GPRIN1: variants seen among roughly 807,000 people sequenced by gnomAD.
The protein encoded by GPRIN1 is G protein-regulated inducer of neurite outgrowth 1.
A neutral mutation model predicts 2.8 loss-of-function variants in GPRIN1; 4 were observed. That is an observed-to-expected ratio of 1.45 (90% confidence interval 0.71 to 3.32). The LOEUF is 3.32. Ranked by LOEUF, GPRIN1 falls within the 30% of genes most tolerant of loss-of-function variation. GPRIN1 has a pLI of 0.01. For missense variants in GPRIN1, 1,322 were observed against 1,343.4 expected (o/e 0.98, Z 0.25); for synonymous variants, 589 against 589.9 (o/e 1.00, Z 0.02).
intron 1 of GPRIN1, among the ~76,000 whole-genome samples, chr5:176,609,304 T>A (rs1759273555): frequency 6.6e-6 from 1 of 152,112 alleles, no homozygotes; most frequent in Non-Finnish European, 1.5e-5. Context: ...ATGTCCATGC[T>A]GTGATCCGCG....
At position 176,598,498 on chromosome 5, in the gene GPRIN1, C is replaced by T. The variant is rs1370228895; in HGVS notation, c.1337G>A (p.Gly446Glu). Residue 446 changes from glycine to glutamate, a missense_variant, in exon 2 of 2, where the codon GGA becomes GAA. Around this residue, in one of 3 missense-constraint regions of GPRIN1, gnomAD observed 1,117 missense variants for 1,128.6 expected, o/e 0.99. Coordinates refer to ENST00000303991, the MANE Select transcript of GPRIN1 (RefSeq NM_052899.3). ...TCCTGGGGATACAGTTCCTGCCTTT[C>T]CCACAGACACACGCTCTGCCTGTCC... is the stretch of plus-strand genomic sequence containing the variant. ...SPGQAERVSV[G>E]KAGTVSPGKE... 5 of 1,614,054 alleles carry T rather than the reference C, an allele frequency of 3.1e-6. No homozygotes were observed. Among genetic ancestry groups the T allele is most frequent in the Non-Finnish European group, 8.5e-7 (1 of 1,180,054 alleles).
In GPRIN1 at chr5:176,597,002, G is replaced by C; in HGVS notation, c.2833C>G (p.Gln945Glu). The C allele has an allele frequency of 7.0e-7, 1 of 1,432,174 alleles. No individual in the cohort carries two copies. The highest frequency in any genetic ancestry group is 1.5e-5 in the African/African-American group (1 of 68,942). The allele number at this position is 1,432,174 out of a possible 1,614,324, so 88.7% of individuals were successfully genotyped here. A position where few individuals can be genotyped will look rare whatever the true frequency, so the allele number is the denominator to read the frequency against. The change falls in exon 2 of 2, where the codon CAG becomes GAG. Residue 945 changes from glutamine to glutamate, a missense_variant. Physicochemically the swap from Gln to Glu is conservative, Grantham distance 29. Around this residue, in one of 3 missense-constraint regions of GPRIN1, gnomAD observed 196 missense variants for 189.2 expected, o/e 1.04. Transcript: ENST00000303991. The surrounding 1 kb of genome is among the most constrained non-coding windows in gnomAD (Gnocchi z 6.1). ...CCTTGGCGGCCGTGCTCCTCGATCT[G>C]TCGCTCCAGATGCTTCTGGATGGCC... ...GMAIQKHLER[Q>E]IEEHGRQGAP...
chr5:176,600,482 A>G (rs1210708954), intron 1 of GPRIN1, among the ~76,000 whole-genome samples: 1 of 152,216 alleles, frequency 6.6e-6, no homozygotes, highest in African/African-American at 2.4e-5. Context: ...TCCAGAAGTT[A>G]TGCTTTTGTC....
At chr5:176,601,261 A>C (rs1001575059) in intron 1 of GPRIN1, among the ~76,000 whole-genome samples, 2 of 152,212 alleles carry the variant, frequency 1.3e-5, no homozygotes, top group African/African-American at 4.8e-5. Context: ...CTGAAGGAGC[A>C]CAGGGGTTGG....
At position 176,597,249 on chromosome 5, in the gene GPRIN1, C is replaced by A. The variant is rs1416780961; in HGVS notation, c.2586G>T (p.Ser862=). Residue 862 remains serine, a synonymous_variant, in exon 2 of 2, where the codon TCG becomes TCT. Coordinates refer to ENST00000303991, the MANE Select transcript of GPRIN1 (RefSeq NM_052899.3). The surrounding 1 kb of genome is among the most constrained non-coding windows in gnomAD (Gnocchi z 6.1). ...PSRRDAGLQV[S]LGAAETRSVA... is the part of the protein sequence containing the mutation. ...CGGAGCGCGTCTCGGCGGCGCCCAG[C>A]GACACCTGCAGGCCCGCATCTCGGC... The A allele has an allele frequency of 2.4e-6, 3 of 1,254,338 alleles. No individual in the cohort carries two copies. The highest frequency in any genetic ancestry group is 5.4e-4 in the Middle Eastern group (2 of 3,686). The allele number at this position is 1,254,338 out of a possible 1,614,324, so 77.7% of individuals were successfully genotyped here.
rs1225232343 is a variant in GPRIN1, at chr5:176,597,190, G to A, written c.2645C>T (p.Ala882Val). 9.1e-6 allele frequency: 12 copies of A among 1,323,346 alleles called. No homozygotes were observed. The Admixed American group carries it at 1.6e-4, about 18-fold the overall frequency. 82.0% of individuals were successfully genotyped at this position (1,323,346 alleles called of 1,614,324 possible). Reference protein sequence around the residue: ...ATGPMTPQAAAPPAFPEVRVR... With the variant: ...ATGPMTPQAAVPPAFPEVRVR... Reference sequence around the variant, plus strand: ...CCGCACTTCGGGGAAGGCGGGCGGCGCGGCGGCTTGAGGTGTCATGGGCCC... The same window carrying A: ...CCGCACTTCGGGGAAGGCGGGCGGCACGGCGGCTTGAGGTGTCATGGGCCC... Residue 882 changes from alanine (A) to valine (V), a missense_variant, in exon 2 of 2, where the codon GCG becomes GTG. Ala to Val is a moderately conservative substitution (Grantham distance 64). Coordinates refer to ENST00000303991, the MANE Select transcript of GPRIN1 (RefSeq NM_052899.3). This position sits in a 1 kb window ranked among gnomAD's most constrained non-coding sequence, Gnocchi z 6.1.
Position 176,596,950 on chromosome 5 carries a change from C to G in GPRIN1, c.2885G>C (p.Arg962Pro). 1.6e-6 allele frequency: 2 copies of G among 1,286,810 alleles called. No individual in the cohort carries two copies. The highest frequency in any genetic ancestry group is 2.0e-6 in the Non-Finnish European group (2 of 1,018,024). The allele number at this position is 1,286,810 out of a possible 1,614,324, so 79.7% of individuals were successfully genotyped here. The change falls in exon 2 of 2, where the codon CGT (arginine) becomes CCT (proline). Residue 962 changes from arginine (R) to proline (P), a missense_variant. Physicochemically the swap from Arg to Pro is moderately radical, Grantham distance 103 (BLOSUM62 -2). Coordinates refer to ENST00000303991, the MANE Select transcript of GPRIN1 (RefSeq NM_052899.3). This position sits in a 1 kb window ranked among gnomAD's most constrained non-coding sequence, Gnocchi z 5.2. Reference sequence around the variant, plus strand: ...CGAGCCCGAACGGCCGGGGCCGGCACGGGCGGCGGGCGGCGGCGCGGGCGC... The same window carrying G: ...CGAGCCCGAACGGCCGGGGCCGGCAGGGGCGGCGGGCGGCGGCGCGGGCGC... ...QGAPAPPPAA[R>P]AGPGRSGSVR...
At position 176,597,409 on chromosome 5, in the gene GPRIN1, CGCG is replaced by C. The variant is rs1037339789; in HGVS notation, c.2423_2425del (p.Pro808del). 4.3e-5 allele frequency: 55 copies of C among 1,292,478 alleles called. No individual in the cohort carries two copies. In the South Asian group the frequency reaches 5.3e-4, roughly 13 times the overall value. The allele number at this position is 1,292,478 out of a possible 1,614,324, so 80.1% of individuals were successfully genotyped here. ...GCCCGCCTGAGTGCCCGCGTCCTCG[CGCG>C]GCGGCGGCGGGGCGCTCGCCTCCCA... On this transcript the variant is annotated inframe_deletion, in exon 2 of 2. Coordinates refer to ENST00000303991, the MANE Select transcript of GPRIN1 (RefSeq NM_052899.3). The surrounding 1 kb of genome is among the most constrained non-coding windows in gnomAD (Gnocchi z 6.1).
intron 1 of GPRIN1, among the ~76,000 whole-genome samples, chr5:176,604,971 G>C (rs549067830): frequency 6.6e-6 from 1 of 152,258 alleles, no homozygotes; most frequent in African/African-American, 2.4e-5. Flanking sequence ...GACCTCAGGT[G>C]ATTTGCCTAC....
chr5:176,599,851 G>T lies in GPRIN1; in HGVS notation c.-17C>A. 1 of 1,431,336 alleles carries T rather than the reference G, an allele frequency of 7.0e-7. No homozygotes were observed. The highest frequency in any genetic ancestry group is 9.2e-7 in the Non-Finnish European group (1 of 1,088,488). 88.7% of individuals were successfully genotyped at this position (1,431,336 alleles called of 1,614,324 possible). A position where few individuals can be genotyped will look rare whatever the true frequency, so the allele number is the denominator to read the frequency against. On this transcript the variant is annotated 5_prime_UTR_variant, in exon 2 of 2. Transcript: ENST00000303991. Reference sequence around the variant, plus strand: ...AGTGTCCATCTGCCCTCATGACCACGCCTGCACCCAAGGCTGCTGTCTGGT... The same window carrying T: ...AGTGTCCATCTGCCCTCATGACCACTCCTGCACCCAAGGCTGCTGTCTGGT...
At position 176,605,470 on chromosome 5, in the gene GPRIN1, G is replaced by C. The variant is rs146724917; in HGVS notation, c.-44+4529C>G. Among the ~76,000 whole-genome samples the C allele has an allele frequency of 4.6e-4, 70 of 152,260 alleles. 3 individuals are homozygous for C. The East Asian group carries it at 0.011, about 25-fold the overall frequency. On this transcript the variant is annotated intron_variant, in intron 1 of 1. Transcript: ENST00000303991. The stretch of plus-strand genomic sequence containing the variant: ...CTGATCCATCTGGCCCTTGGCCTAT[G>C]GAAAAGGACGTTATAAGCCAGGGTG...
intron 1 of GPRIN1, among the ~76,000 whole-genome samples, chr5:176,601,992 A>C (rs1029404167): frequency 2.0e-5 from 3 of 152,070 alleles, no homozygotes; most frequent in Admixed American, 1.3e-4. Context: ...TCCCCATCCC[A>C]TGCAAAGTAA....
chr5:176,599,317 G>T lies in GPRIN1; in HGVS notation c.518C>A (p.Ser173Tyr). Reference sequence around the variant, plus strand: ...AAACATGGGATCTGCCTTCCGTGAGGACCCAGGATCCTCCTTTCCTATGGA... The same window carrying T: ...AAACATGGGATCTGCCTTCCGTGAGTACCCAGGATCCTCCTTTCCTATGGA... The part of the protein sequence containing the change: ...STSIGKEDPG[S>Y]SRKADPMFTG... The change falls in exon 2 of 2, where the codon TCC (serine) becomes TAC (tyrosine). Residue 173 changes from serine to tyrosine, a missense_variant. Around this residue, in one of 3 missense-constraint regions of GPRIN1, gnomAD observed 1,117 missense variants for 1,128.6 expected, o/e 0.99. Coordinates refer to ENST00000303991, the MANE Select transcript of GPRIN1 (RefSeq NM_052899.3). The T allele has an allele frequency of 6.2e-7, 1 of 1,614,200 alleles. No homozygotes were observed. Among genetic ancestry groups the T allele is most frequent in the Non-Finnish European group, 8.5e-7 (1 of 1,180,046 alleles).
intron 1 of GPRIN1, among the ~76,000 whole-genome samples, chr5:176,608,442 G>T (rs1759257944): frequency 6.6e-6 from 1 of 152,206 alleles, no homozygotes; most frequent in Non-Finnish European, 1.5e-5. Context: ...AGGCAGAAAT[G>T]TCTGCTAGGT....
Position 176,599,721 on chromosome 5 carries a change from G to T in GPRIN1, c.114C>A (p.Gly38=), listed in dbSNP as rs1208484503. 2.6e-6 allele frequency: 4 copies of T among 1,561,770 alleles called. No homozygotes were observed. The highest frequency in any genetic ancestry group is 3.5e-6 in the Non-Finnish European group (4 of 1,151,774). ...GGCAGTAATCCCTCATAGCCGAGCTGCCAGCCCCCAGGCTCCCATCCTGTG... is the reference window on the plus strand; with the variant it reads ...GGCAGTAATCCCTCATAGCCGAGCTTCCAGCCCCCAGGCTCCCATCCTGTG... ...FCPQDGSLGA[G]SSAMRDYCPS... is the part of the protein sequence containing the mutation. The change falls in exon 2 of 2, where the codon GGC becomes GGA. Residue 38 remains glycine (G), a synonymous_variant. Transcript: ENST00000303991.
In GPRIN1 at chr5:176,598,721, G is replaced by C. The variant is rs773283412; in HGVS notation, c.1114C>G (p.Arg372Gly). The C allele has an allele frequency of 1.2e-6, 2 of 1,614,008 alleles. No individual in the cohort carries two copies. The highest frequency in any genetic ancestry group is 1.7e-6 in the Non-Finnish European group (2 of 1,180,038). ...GCAGGGTCCATCTTTCCCAGGAACC[G>C]GGAGTCCTCTTTTGTGGCAGGCACA... ...ETVPATKEDS[R>G]FLGKMDPASS... Residue 372 changes from arginine (R) to glycine (G), a missense_variant, in exon 2 of 2, where the codon CGG becomes GGG. This residue lies in a region of GPRIN1 where 1,117 missense variants were observed against 1,128.6 expected (regional missense o/e 0.99). Coordinates refer to ENST00000303991, the MANE Select transcript of GPRIN1 (RefSeq NM_052899.3).
rs1363946135 is a variant in GPRIN1, at chr5:176,596,959, G to C, written c.2876C>G (p.Pro959Arg). Residue 959 changes from proline (P) to arginine (R), a missense_variant, in exon 2 of 2, where the codon CCC becomes CGC. Transcript: ENST00000303991. This position sits in a 1 kb window ranked among gnomAD's most constrained non-coding sequence, Gnocchi z 5.2. ...HGRQGAPAPPPAARAGPGRSG... is the reference protein window; with the variant it reads ...HGRQGAPAPPRAARAGPGRSG... ...ACGGCCGGGGCCGGCACGGGCGGCG[G>C]GCGGCGGCGCGGGCGCCCCTTGGCG... 6 of 1,327,788 alleles carry C rather than the reference G, an allele frequency of 4.5e-6. No homozygotes were observed. The highest frequency in any genetic ancestry group is 5.8e-6 in the Non-Finnish European group (6 of 1,037,922). 82.3% of individuals were successfully genotyped at this position (1,327,788 alleles called of 1,614,324 possible).
At chr5:176,608,225 C>T (rs1759252179) in intron 1 of GPRIN1, among the ~76,000 whole-genome samples, 1 of 152,124 alleles carries the variant, frequency 6.6e-6, no homozygotes, top group Non-Finnish European at 1.5e-5. Flanking sequence ...TGGCCTGACA[C>T]TTGGTTCTCA....
Position 176,598,080 on chromosome 5 carries a change from C to T in GPRIN1, c.1755G>A (p.Val585=), listed in dbSNP as rs369268695. 6.2e-7 allele frequency: 1 copy of T among 1,613,798 alleles called. No individual in the cohort carries two copies. Among genetic ancestry groups the T allele is most frequent in the Non-Finnish European group, 8.5e-7 (1 of 1,180,026 alleles). Residue 585 remains valine, a synonymous_variant, in exon 2 of 2, where the codon GTG becomes GTA. Coordinates refer to ENST00000303991, the MANE Select transcript of GPRIN1 (RefSeq NM_052899.3). ...VVSTPGKTVP[V]PSGKVDPVSL... ...ACACGGGATCCACCTTCCCCGAGGGCACCGGGACTGTTTTTCCTGGAGTTG... is the reference window on the plus strand; with the variant it reads ...ACACGGGATCCACCTTCCCCGAGGGTACCGGGACTGTTTTTCCTGGAGTTG...
Sources: gnomAD v4.1 joint callset for allele counts (sites outside exome capture counted in the v4.1 genomes callset) on GRCh38, gnomAD v4.1.1 for gene constraint, gnomAD v4.1.1 regional missense constraint, Gnocchi (gnomAD v3.1) non-coding constraint, MANE v1.5 for transcripts, NCBI Gene and HGNC (gene_info 2026-07-23, HGNC 2026-07-21) for gene names.